Variants in CCDC144A observed in about 807,000 individuals in gnomAD.
The protein encoded by CCDC144A is coiled-coil domain-containing protein 144A.
In CCDC144A, 41 loss-of-function variants were observed where a neutral mutation model predicts 143.8. The observed-to-expected ratio is 0.29, with a 90% CI of 0.22 to 0.37. The LOEUF is 0.37. Among genes scored for constraint, CCDC144A ranks in the 10% least tolerant of loss-of-function variants. The probability of loss-of-function intolerance (pLI) is 1.00; values close to 1 mark genes in which losing one functional copy is unlikely to be tolerated. For synonymous variants in CCDC144A, 242 were observed against 517.9 expected (o/e 0.47, Z 7.23); for missense variants, 637 against 1,488.8 (o/e 0.43, Z 9.41).
At chr17:16,683,994 A>G in the CCDC144A span, 1 of 1,018,162 alleles carries the variant, frequency 9.8e-7, no homozygotes, top group East Asian at 2.4e-5. Context: ...CCTGGGTGGC[A>G]GACAAACCAA....
intron 12 of CCDC144A, among the ~76,000 whole-genome samples, chr17:16,754,893 A>G (rs1597586470): frequency 1.3e-5 from 2 of 152,310 alleles, no homozygotes; most frequent in East Asian, 1.9e-4. Flanking sequence ...TTTGCCTTAT[A>G]TATCTGTGTG....
chr17:16,677,468 G>A, the CCDC144A span, among the ~76,000 whole-genome samples: 1 of 152,144 alleles, frequency 6.6e-6, no homozygotes, highest in East Asian at 1.9e-4. Context: ...CCTCAAATTC[G>A]TGTGTTAAAA....
At chr17:16,753,428 G>GTTTTTTGTTGTTGTTGTTGTTTTTTT (rs1914895477) in intron 12 of CCDC144A, among the ~76,000 whole-genome samples, 2 of 57,376 alleles carry the variant, frequency 3.5e-5, no homozygotes, top group Non-Finnish European at 3.2e-5. Flanking sequence ...GTGTTTTGTA[G>GTTTTTTGTTGTTGTTGTTGTTTTTTT]TTTTTTTTTT....
intron 12 of CCDC144A, among the ~76,000 whole-genome samples, chr17:16,750,779 C>T (rs886973491): frequency 3.9e-5 from 6 of 151,948 alleles, no homozygotes; most frequent in African/African-American, 1.5e-4. Context: ...TGGGCTGACT[C>T]AAAAGACTGG....
At chr17:16,667,242 G>GGGCTGAGGCGGCTGAGGC in the CCDC144A span, 7 of 234,752 alleles carry the variant, frequency 3.0e-5, no homozygotes, top group Non-Finnish European at 5.9e-5. Flanking sequence ...AGAGGCTGAG[G>GGGCTGAGGCGGCTGAGGC]GGCTGAGGCG....
At chr17:16,704,474 T>C (rs999779271) in intron 2 of CCDC144A, among the ~76,000 whole-genome samples, 1 of 151,408 alleles carries the variant, frequency 6.6e-6, no homozygotes, top group Admixed American at 6.6e-5. Context: ...AAAAAAAAAA[T>C]TTTACATCCC....
chr17:16,749,366 G>C (rs1914680696), intron 12 of CCDC144A, among the ~76,000 whole-genome samples: 1 of 152,144 alleles, frequency 6.6e-6, no homozygotes, highest in Non-Finnish European at 1.5e-5. Flanking sequence ...TTAGGAGCCA[G>C]TTGTTTGATT....
chr17:16,688,490 T>G (rs1345835934), upstream of CCDC144A, among the ~76,000 whole-genome samples: 16 of 123,084 alleles, frequency 1.3e-4, no homozygotes, highest in South Asian at 4.3e-3. Flanking sequence ...TTCTGTTTTT[T>G]TTTTTTTTTT....
At chr17:16,736,986 T>C (rs1042996240) in intron 12 of CCDC144A, among the ~76,000 whole-genome samples, 20 of 151,220 alleles carry the variant, frequency 1.3e-4, no homozygotes, top group African/African-American at 4.6e-4. Context: ...CAGGGAAGAG[T>C]GAGTAGTGGG....
intron 6 of CCDC144A, among the ~76,000 whole-genome samples, chr17:16,716,629 G>A (rs1912769207): frequency 1.3e-5 from 2 of 152,070 alleles, no homozygotes. Context: ...TTAACACTAA[G>A]ATTTTTTTCT....
intron 12 of CCDC144A, among the ~76,000 whole-genome samples, chr17:16,751,685 C>T (rs932880305): frequency 1.4e-4 from 21 of 152,230 alleles, no homozygotes; most frequent in Non-Finnish European, 7.3e-5. Context: ...GTTGTCTGGG[C>T]TTGGTAGAGT....
intron 12 of CCDC144A, chr17:16,737,594 G>C (rs2261445): frequency 0.12 from 153,290 of 1,296,434 alleles, 10,149 homozygotes; most frequent in Non-Finnish European, 0.13. Context: ...AACAACCTAC[G>C]TCAGAGGCTA....
intron 12 of CCDC144A, chr17:16,746,553 T>C (rs946261527): frequency 1.9e-5 from 30 of 1,613,730 alleles, no homozygotes; most frequent in Non-Finnish European, 2.5e-5. Flanking sequence ...GGATCTTTGC[T>C]GTCAAGGAAG....
the CCDC144A span, among the ~76,000 whole-genome samples, chr17:16,678,794 G>T: frequency 9.1e-5 from 12 of 132,486 alleles, no homozygotes; most frequent in Non-Finnish European, 1.7e-4. Flanking sequence ...TGCTCTTGTC[G>T]CCCAGGCTGG....
intron 2 of CCDC144A, among the ~76,000 whole-genome samples, chr17:16,701,848 C>G (rs1050259881): frequency 4.7e-5 from 7 of 149,132 alleles, no homozygotes; most frequent in African/African-American, 1.5e-4. Flanking sequence ...CCATTGTGCT[C>G]TAGGAGATGG....
At position 16,735,045 on chromosome 17, in the gene CCDC144A, G is replaced by A. The variant is rs1205573998; in HGVS notation, c.2774G>A (p.Arg925His). The change falls in exon 12 of 17, where the codon CGT (arginine) becomes CAT (histidine). Residue 925 changes from arginine to histidine, a missense_variant. Physicochemically the swap from Arg to His is conservative, Grantham distance 29. Coordinates refer to ENST00000399273, the MANE Select transcript of CCDC144A (RefSeq NM_001382000.1). ...CGTTGTAGACTAGCTGCTGCTGTAC[G>A]TGACTGTGATCAAAGTCAGACAGCA... Reference protein sequence around the residue: ...SYRCRLAAAVRDCDQSQTARD... With the variant: ...SYRCRLAAAVHDCDQSQTARD... 1.3e-5 allele frequency: 21 copies of A among 1,611,612 alleles called. No individual in the cohort carries two copies. The highest frequency in any genetic ancestry group is 3.3e-5 in the South Asian group (3 of 90,842).
chr17:16,704,619 CT>C (rs1482856986), intron 2 of CCDC144A, among the ~76,000 whole-genome samples: 1 of 151,654 alleles, frequency 6.6e-6, no homozygotes, highest in Non-Finnish European at 1.5e-5. Flanking sequence ...AGTTAGAGCC[CT>C]TACAGCTCTT....
intron 15 of CCDC144A, among the ~76,000 whole-genome samples, chr17:16,768,495 C>G (rs1034947989): frequency 2.4e-4 from 36 of 152,100 alleles, no homozygotes; most frequent in African/African-American, 8.2e-4. Context: ...GTTATGGAGG[C>G]CTGCGTTAGT....
At chr17:16,677,348 T>TTA in the CCDC144A span, among the ~76,000 whole-genome samples, 1 of 152,104 alleles carries the variant, frequency 6.6e-6, no homozygotes, top group South Asian at 2.1e-4. Flanking sequence ...CAATTAAAGA[T>TTA]TTCCCTAAAC....
Sources: allele counts gnomAD v4.1 joint callset (sites outside exome capture counted in the v4.1 genomes callset), GRCh38; gene constraint gnomAD v4.1.1; transcripts MANE v1.5; gene names NCBI Gene and HGNC (gene_info 2026-07-23, HGNC 2026-07-21).